The following KDM2B variants were observed in gnomAD, a reference collection of about 807,000 sequenced individuals.
KDM2B encodes the protein lysine-specific demethylase 2B.
A neutral mutation model predicts 150.0 loss-of-function variants in KDM2B; 26 were observed. The observed-to-expected ratio is 0.17, with a 90% CI of 0.13 to 0.24. The LOEUF is 0.24. Ranked by LOEUF, KDM2B falls within the 10% of genes least tolerant of loss-of-function variation. KDM2B has a pLI of 1.00. For missense variants in KDM2B, 1,265 were observed against 1,816.9 expected, an observed-to-expected ratio of 0.70 and a Z score of 5.52; for synonymous variants, 734 against 729.5, an observed-to-expected ratio of 1.01 and a Z score of -0.10.
intron 13 of KDM2B, among the ~76,000 whole-genome samples, chr12:121,451,790 T>C (rs570598570): frequency 6.6e-6 from 1 of 152,020 alleles, no homozygotes; most frequent in Admixed American, 6.6e-5. Flanking sequence ...CAGGTGCCTG[T>C]AATCCCAGCT....
rs781879282 is a variant in KDM2B, at chr12:121,440,783, A to G, written c.3610+33T>C. The G allele has an allele frequency of 1.7e-5, 27 of 1,576,500 alleles. No individual in the cohort carries two copies. In the South Asian group the frequency reaches 2.8e-4, roughly 16 times the overall value. On this transcript the variant is annotated intron_variant, in intron 21 of 22. Coordinates refer to ENST00000377071, the MANE Select transcript of KDM2B (RefSeq NM_032590.5). ...TCCAACAGTCTAGCTCGCTCACCCCACCCCCACAGAAACCCCCAGCCTGGC... is the reference window on the plus strand; with the variant it reads ...TCCAACAGTCTAGCTCGCTCACCCCGCCCCCACAGAAACCCCCAGCCTGGC...
the KDM2B span, among the ~76,000 whole-genome samples, chr12:121,411,969 C>T: frequency 6.6e-6 from 1 of 152,162 alleles, no homozygotes; most frequent in Admixed American, 6.6e-5. Context: ...AACGTGCAAA[C>T]TAAATTTTTT....
At chr12:121,444,344 C>G in intron 15 of KDM2B, 72 bp from the exon 16 acceptor site, 1 of 1,606,584 alleles carries the variant, frequency 6.2e-7, no homozygotes, top group South Asian at 1.1e-5. Context: ...CCTCCCCAGG[C>G]CGACGGCAAC....
chr12:121,544,080 A>G (rs993176913), intron 6 of KDM2B, among the ~76,000 whole-genome samples: 1 of 140,372 alleles, frequency 7.1e-6, no homozygotes, highest in Non-Finnish European at 1.5e-5. Context: ...GCGCCACTGC[A>G]CTCCAGCCTG....
In KDM2B at chr12:121,452,595, G is replaced by A. The variant is rs1182754600; in HGVS notation, c.1959+525C>T. On this transcript the variant is annotated intron_variant, in intron 13 of 22. Transcript: ENST00000377071. The surrounding 1 kb of genome is among the most constrained non-coding windows in gnomAD (Gnocchi z 4.4). ...AGGGCAAACCCCGCGACCTCGCCCC[G>A]TTGCGAAGTCCATGTCCACTGCCCT... Among the ~76,000 whole-genome samples the A allele has an allele frequency of 3.3e-5, 5 of 152,372 alleles. No homozygotes were observed. The highest frequency in any genetic ancestry group is 1.2e-4 in the African/African-American group (5 of 41,592).
At chr12:121,532,057 G>T (rs1270316086) in intron 8 of KDM2B, among the ~76,000 whole-genome samples, 1 of 151,718 alleles carries the variant, frequency 6.6e-6, no homozygotes, top group Non-Finnish European at 1.5e-5. Context: ...GGAGGTGAAG[G>T]TTGCAGTGAG....
rs1311022193 is a variant in KDM2B, at chr12:121,549,066, G to GC, written c.577-84dup. ...ACCCCTTTCCCCGGAGAGTCCTTGG[G>GC]CCCCCCCGCTCCCCCAATCTACTGT... On this transcript the variant is annotated intron_variant, in intron 5 of 22. Transcript: ENST00000377071. This position sits in a 1 kb window ranked among gnomAD's most constrained non-coding sequence, Gnocchi z 4.4. The GC allele has an allele frequency of 1.0e-4, 114 of 1,141,544 alleles. No homozygotes were observed. Among genetic ancestry groups the GC allele is most frequent in the Non-Finnish European group, 1.3e-4 (99 of 770,544 alleles). The allele number at this position is 1,141,544 out of a possible 1,614,324, so 70.7% of individuals were successfully genotyped here.
At chr12:121,441,334 C>T (rs1874996667) in intron 19 of KDM2B, 101 bp from the exon 20 acceptor site, 2 of 1,180,214 alleles carry the variant, frequency 1.7e-6, no homozygotes, top group African/African-American at 3.1e-5. Flanking sequence ...CTCTGGGAGG[C>T]TCCTTAACTC....
In KDM2B at chr12:121,498,710, C is replaced by T. The variant is rs548616454; in HGVS notation, c.1648-4045G>A. Among the ~76,000 whole-genome samples the T allele has an allele frequency of 1.2e-4, 19 of 152,230 alleles. No homozygotes were observed. In the South Asian group the frequency reaches 3.7e-3, roughly 30 times the overall value. ...CAATATCAGATTGGAGTCTAACTCA[C>T]AAGCATTGAGGTAGAGGCCTCTTTA... On this transcript the variant is annotated intron_variant, in intron 11 of 22. Transcript: ENST00000377071.
intron 2 of KDM2B, among the ~76,000 whole-genome samples, chr12:121,578,291 G>C (rs2136671932): frequency 2.0e-5 from 3 of 152,278 alleles, no homozygotes; most frequent in Middle Eastern, 6.8e-3. Context: ...CAGGCCTAAG[G>C]GGGCATCGTC....
At chr12:121,495,565 G>A (rs572456058) in intron 11 of KDM2B, among the ~76,000 whole-genome samples, 4 of 152,310 alleles carry the variant, frequency 2.6e-5, no homozygotes, top group South Asian at 4.1e-4. Context: ...CTACCAAAAT[G>A]CTGGGATTAC....
At chr12:121,487,197 T>C (rs1882857316) in intron 12 of KDM2B, among the ~76,000 whole-genome samples, 1 of 152,090 alleles carries the variant, frequency 6.6e-6, no homozygotes, top group Non-Finnish European at 1.5e-5. Flanking sequence ...ACGAAAGAAC[T>C]GGGGCATCCT....
At chr12:121,568,882 A>T (rs1555315479) in intron 4 of KDM2B, among the ~76,000 whole-genome samples, 1 of 151,782 alleles carries the variant, frequency 6.6e-6, no homozygotes, top group Non-Finnish European at 1.5e-5. Flanking sequence ...AAAAAAAAAA[A>T]AAAGGCTTGG....
chr12:121,470,478 G>C (rs1258145499), intron 12 of KDM2B: 3 of 152,220 alleles, frequency 2.0e-5, no homozygotes, highest in Admixed American at 6.6e-5. Flanking sequence ...TCCAGAGAAA[G>C]ACCTCCCTCC....
chr12:121,562,698 GA>G (rs150310198), intron 4 of KDM2B, among the ~76,000 whole-genome samples: 2,288 of 150,064 alleles, frequency 0.015, 65 homozygotes, highest in African/African-American at 0.053. Context: ...AGGAGGAAGA[GA>G]GGGGGGAGGA....
At chr12:121,444,775 C>G in intron 14 of KDM2B, 1 of 571,680 alleles carries the variant, frequency 1.7e-6, no homozygotes, top group Non-Finnish European at 3.1e-6. Flanking sequence ...GGGCAAGACA[C>G]TCCGTCTCTG....
At chr12:121,462,747 C>T (rs1257511699) in intron 12 of KDM2B, among the ~76,000 whole-genome samples, 7 of 152,048 alleles carry the variant, frequency 4.6e-5, no homozygotes, top group Non-Finnish European at 1.5e-5. Context: ...CCGTCTCAGC[C>T]TCCCAAAGTG....
intron 12 of KDM2B, 86 bp downstream of exon 12, chr12:121,494,493 T>A (rs1555300490): frequency 3.2e-6 from 3 of 944,202 alleles, no homozygotes; most frequent in Non-Finnish European, 5.0e-6. Context: ...GCCCCATAGC[T>A]ACCCAAAAAG....
intron 13 of KDM2B, among the ~76,000 whole-genome samples, chr12:121,447,911 C>A (rs1171159510): frequency 1.3e-5 from 2 of 152,070 alleles, no homozygotes; most frequent in African/African-American, 4.8e-5. Flanking sequence ...CCCACCTTAG[C>A]CTCCCAAAGT....
Sources: allele counts gnomAD v4.1 joint callset (sites outside exome capture counted in the v4.1 genomes callset), GRCh38; gene constraint gnomAD v4.1.1; non-coding constraint Gnocchi (gnomAD v3.1); transcripts MANE v1.5; gene names NCBI Gene and HGNC (gene_info 2026-07-23, HGNC 2026-07-21).